EXOC4: variants seen among roughly 807,000 people sequenced by gnomAD.
EXOC4 encodes exocyst complex component 4, also known as SEC8-like 1.
Under a neutral mutation model 107.2 loss-of-function variants are expected in EXOC4, and 71 were observed. The observed-to-expected ratio is 0.66, with a 90% confidence interval of 0.55 to 0.81. EXOC4 has a LOEUF of 0.81. Ranked by LOEUF, EXOC4 falls within the 30% of genes least tolerant of loss-of-function variation. The probability of loss-of-function intolerance (pLI) is 0.00; values close to 1 mark genes in which losing one functional copy is unlikely to be tolerated. For synonymous variants in EXOC4, 456 were observed against 441.2 expected, an observed-to-expected ratio of 1.03 and a Z score of -0.42; for missense variants, 1,108 against 1,189.6, an observed-to-expected ratio of 0.93 and a Z score of 1.01.
downstream of EXOC4, among the ~76,000 whole-genome samples, chr7:134,067,638 T>TACACACACAC (rs60853968): frequency 5.3e-5 from 7 of 132,068 alleles, no homozygotes; most frequent in Non-Finnish European, 8.4e-5. Context: ...TATATATATA[T>TACACACACAC]ACACACACAC....
chr7:134,025,051 T>A lies in EXOC4; in HGVS notation c.2687+17216T>A, dbSNP rs1795109573. On this transcript the variant is annotated intron_variant, in intron 17 of 17. Transcript: ENST00000253861. ...TGTTTATTTCTGCTCCCTTTCCAAG[T>A]CTCATTCTCCAGCCTTCCTGGCTCA... 2.0e-5 allele frequency among the ~76,000 whole-genome samples: 3 copies of A among 152,210 alleles called. 1 individual carries two copies. Among genetic ancestry groups the A allele is most frequent in the Admixed American group, 2.0e-4 (3 of 15,288 alleles).
rs1292307861 is a variant in EXOC4, at chr7:134,005,024, A to G, written c.2461A>G (p.Ile821Val). The G allele has an allele frequency of 1.2e-6, 2 of 1,613,680 alleles. No homozygotes were observed. The highest frequency in any genetic ancestry group is 1.7e-5 in the Admixed American group (1 of 59,982). Residue 821 changes from isoleucine (I) to valine (V), a missense_variant, in exon 16 of 18, where the codon ATC becomes GTC. By Grantham distance (29) the Ile-to-Val change is conservative (BLOSUM62 3). Transcript: ENST00000253861. ...CCTGGTGGTCAAGCTCAACAAAGAT[A>G]TCAGCGCCATTGAAGAGGCCATGAG... ...DPLVVKLNKD[I>V]SAIEEAMSAS...
intron 4 of EXOC4, among the ~76,000 whole-genome samples, chr7:133,313,847 A>G (rs549324235): frequency 1.3e-5 from 2 of 152,174 alleles, no homozygotes; most frequent in South Asian, 4.1e-4. Context: ...CCATGTTGCT[A>G]TTGGCAAAAT....
intron 10 of EXOC4, among the ~76,000 whole-genome samples, chr7:133,733,971 C>A (rs1161097860): frequency 6.6e-6 from 1 of 152,108 alleles, no homozygotes; most frequent in South Asian, 2.1e-4. Context: ...TCCTTAGAAT[C>A]AAAAAAGTGC....
chr7:133,257,149 A>G (rs1795036665), intron 1 of EXOC4, among the ~76,000 whole-genome samples: 1 of 152,214 alleles, frequency 6.6e-6, no homozygotes, highest in Non-Finnish European at 1.5e-5. Flanking sequence ...GGGGACAGAT[A>G]GTGGTTGGGA....
intron 13 of EXOC4, among the ~76,000 whole-genome samples, chr7:133,922,961 A>C (rs1402228473): frequency 1.3e-5 from 2 of 150,128 alleles, no homozygotes; most frequent in East Asian, 3.9e-4. Context: ...GAACTATTTC[A>C]CATAGTGCTA....
chr7:133,576,606 G>C (rs1423327930), intron 9 of EXOC4: 4 of 1,289,738 alleles, frequency 3.1e-6, no homozygotes, highest in Non-Finnish European at 4.0e-6. Context: ...TCTCAAGGGG[G>C]TAGAGATAAC....
intron 9 of EXOC4, among the ~76,000 whole-genome samples, chr7:133,576,009 C>T (rs968730328): frequency 1.3e-5 from 2 of 152,154 alleles, no homozygotes; most frequent in South Asian, 2.1e-4. Flanking sequence ...TCTGGACCTC[C>T]GCTTACTCCT....
chr7:133,584,900 C>T (rs555419206), intron 9 of EXOC4, among the ~76,000 whole-genome samples: 2 of 152,200 alleles, frequency 1.3e-5, no homozygotes, highest in African/African-American at 4.8e-5. Context: ...TGTAATATAT[C>T]AGAGTTCCAT....
chr7:133,785,603 C>T (rs956852480), intron 10 of EXOC4, among the ~76,000 whole-genome samples: 8 of 152,132 alleles, frequency 5.3e-5, no homozygotes, highest in Admixed American at 2.6e-4. Flanking sequence ...CCCAAGAATG[C>T]CATTATTTCC....
chr7:133,862,178 T>G (rs1169863237), intron 11 of EXOC4, among the ~76,000 whole-genome samples: 2 of 151,900 alleles, frequency 1.3e-5, no homozygotes, highest in Non-Finnish European at 1.5e-5. Flanking sequence ...TTTTTTAATT[T>G]TATGTGCTTC....
At chr7:133,280,846 A>G (rs1794119584) in intron 2 of EXOC4, among the ~76,000 whole-genome samples, 1 of 152,216 alleles carries the variant, frequency 6.6e-6, no homozygotes, top group African/African-American at 2.4e-5. Flanking sequence ...GAAGTTATTT[A>G]CAGCCCAAAT....
intron 10 of EXOC4, among the ~76,000 whole-genome samples, chr7:133,655,695 G>T (rs1803275027): frequency 6.6e-6 from 1 of 152,132 alleles, no homozygotes; most frequent in African/African-American, 2.4e-5. Flanking sequence ...GTCTTCAGGG[G>T]CAGTAACACA....
At chr7:134,061,470 G>A (rs1796055208) in intron 17 of EXOC4, among the ~76,000 whole-genome samples, 2 of 152,116 alleles carry the variant, frequency 1.3e-5, no homozygotes, top group African/African-American at 4.8e-5. Context: ...GCACATATCT[G>A]GGGATGGGGC....
At chr7:134,100,109 T>G in the EXOC4 span, among the ~76,000 whole-genome samples, 34 of 152,284 alleles carry the variant, frequency 2.2e-4, no homozygotes, top group African/African-American at 7.5e-4. Flanking sequence ...TTTTTCTTGC[T>G]GATATGTCTT....
intron 13 of EXOC4, among the ~76,000 whole-genome samples, chr7:133,932,488 G>A (rs866899434): frequency 6.6e-6 from 1 of 152,198 alleles, no homozygotes; most frequent in Non-Finnish European, 1.5e-5. Flanking sequence ...TAACAGTGCA[G>A]TGAATGCATA....
intron 10 of EXOC4, among the ~76,000 whole-genome samples, chr7:133,781,474 TG>T (rs1796464829): frequency 2.6e-5 from 4 of 152,268 alleles, no homozygotes; most frequent in African/African-American, 9.6e-5. Flanking sequence ...TGTGTTTCCT[TG>T]AAGATATCAG....
At chr7:133,724,470 TC>T (rs1309515019) in intron 10 of EXOC4, among the ~76,000 whole-genome samples, 1 of 152,228 alleles carries the variant, frequency 6.6e-6, no homozygotes. Flanking sequence ...TTTATTTTTT[TC>T]AACAGATATT....
intron 14 of EXOC4, among the ~76,000 whole-genome samples, chr7:133,947,262 C>T (rs894932432): frequency 1.3e-5 from 2 of 152,144 alleles, no homozygotes; most frequent in Admixed American, 1.3e-4. Context: ...ATCCCTGGAG[C>T]TCTCATTCAT....
Sources: allele counts gnomAD v4.1 joint callset (sites outside exome capture counted in the v4.1 genomes callset), GRCh38; gene constraint gnomAD v4.1.1; transcripts MANE v1.5; gene names NCBI Gene and HGNC (gene_info 2026-07-23, HGNC 2026-07-21).